The following DSG2 variants were observed in gnomAD, a reference collection of about 807,000 sequenced individuals.
DSG2 encodes the protein desmoglein-2.
In DSG2, 45 loss-of-function variants were observed where a neutral mutation model predicts 75.6. The ratio of observed to expected loss-of-function variants is 0.60; its 90% confidence interval spans 0.47 to 0.76. The LOEUF (loss-of-function observed/expected upper bound fraction) is 0.76, where lower values mean the gene tolerates loss of function less well. DSG2 is among the 30% of genes least tolerant of loss of function. The pLI, the probability that DSG2 is intolerant of heterozygous loss-of-function variation, is 0.00. For synonymous variants in DSG2, 429 were observed against 483.9 expected, an observed-to-expected ratio of 0.89 and a Z score of 1.49; for missense variants, 1,267 against 1,357.4, an observed-to-expected ratio of 0.93 and a Z score of 1.05.
chr18:31,521,723 G>A (rs8084771), intron 5 of DSG2, among the ~76,000 whole-genome samples: 23,745 of 152,150 alleles, frequency 0.16, 2,445 homozygotes, highest in African/African-American at 0.3. Flanking sequence ...TGACCATGAT[G>A]TAAGGAATAG....
intron 6 of DSG2, 87 bp from the exon 7 acceptor site, chr18:31,524,361 G>A: frequency 6.6e-7 from 1 of 1,511,898 alleles, no homozygotes; most frequent in Non-Finnish European, 9.2e-7. Flanking sequence ...AATATACTGT[G>A]GTACGTGATA....
In DSG2 at chr18:31,542,592, A is replaced by G. The variant is rs997161591; in HGVS notation, c.2074A>G (p.Lys692Glu). 9 of 1,614,020 alleles carry G rather than the reference A, an allele frequency of 5.6e-6. No individual in the cohort carries two copies. The highest frequency in any genetic ancestry group is 1.1e-5 in the South Asian group (1 of 91,078). The change falls in exon 14 of 15, where the codon AAG becomes GAG. Residue 692 changes from lysine (K) to glutamate (E), a missense_variant. By Grantham distance (56) the Lys-to-Glu change is moderately conservative (BLOSUM62 1). Transcript: ENST00000261590. Reference protein sequence around the residue: ...VGRNGVGGMAKEATMKGSSSA... With the variant: ...VGRNGVGGMAEEATMKGSSSA... Reference sequence around the variant, plus strand: ...AAGAAATGGAGTAGGAGGTATGGCCAAGGAAGCCACGATGAAAGGAAGTAG... The same window carrying G: ...AAGAAATGGAGTAGGAGGTATGGCCGAGGAAGCCACGATGAAAGGAAGTAG...
In DSG2 at chr18:31,524,694, GT is replaced by G; in HGVS notation, c.829-5del. On this transcript the variant is annotated splice_polypyrimidine_tract_variant and splice_region_variant and intron_variant, in intron 7 of 14. Transcript: ENST00000261590. ...ATTGAAATAAAAATCATGTGTTCATGTTTTGCAGCTTGAAGGGATGGTTGAA... is the reference window on the plus strand; with the variant it reads ...ATTGAAATAAAAATCATGTGTTCATGTTTGCAGCTTGAAGGGATGGTTGAA... The G allele has an allele frequency of 1.9e-6, 3 of 1,614,094 alleles. No individual in the cohort carries two copies. The highest frequency in any genetic ancestry group is 2.5e-6 in the Non-Finnish European group (3 of 1,179,982).
chr18:31,523,190 A>G (rs1331853263), intron 6 of DSG2, among the ~76,000 whole-genome samples: 1 of 152,114 alleles, frequency 6.6e-6, no homozygotes, highest in Non-Finnish European at 1.5e-5. Context: ...TCACAAGGTC[A>G]GGAGATCGAG....
At chr18:31,523,066 G>GA (rs1379196734) in intron 6 of DSG2, among the ~76,000 whole-genome samples, 1 of 152,186 alleles carries the variant, frequency 6.6e-6, no homozygotes, top group Non-Finnish European at 1.5e-5. Context: ...TTTGTCATCA[G>GA]ATATAAATCA....
chr18:31,544,474 TG>T (rs2073291197), intron 14 of DSG2, among the ~76,000 whole-genome samples: 1 of 152,136 alleles, frequency 6.6e-6, no homozygotes, highest in African/African-American at 2.4e-5. Flanking sequence ...TATTAGAAGA[TG>T]GTTCTCAAAT....
intron 9 of DSG2, 42 bp from the exon 10 acceptor site, chr18:31,535,228 C>A: frequency 7.3e-7 from 1 of 1,365,208 alleles, no homozygotes; most frequent in Non-Finnish European, 1.0e-6. Context: ...GTTTCCAATT[C>A]ATGCAGAATT....
At chr18:31,535,780 AC>A (rs1352215483) in intron 10 of DSG2, among the ~76,000 whole-genome samples, 13 of 151,778 alleles carry the variant, frequency 8.6e-5, no homozygotes, top group African/African-American at 3.1e-4. Flanking sequence ...AAAAAAAAAA[AC>A]AAAAACAAAA....
intron 1 of DSG2, among the ~76,000 whole-genome samples, chr18:31,517,318 T>C (rs1400887639): frequency 6.6e-6 from 1 of 152,112 alleles, no homozygotes; most frequent in Non-Finnish European, 1.5e-5. Flanking sequence ...TACAAATATA[T>C]GGTTTGATAG....
chr18:31,540,419 G>GT (rs1366644986), intron 12 of DSG2, among the ~76,000 whole-genome samples: 1 of 152,202 alleles, frequency 6.6e-6, no homozygotes, highest in East Asian at 1.9e-4. Context: ...AGCTGGGACT[G>GT]TATCTTTTGC....
chr18:31,499,357 CGTGTGTGT>C (rs34693299), intron 1 of DSG2, among the ~76,000 whole-genome samples: 4 of 149,636 alleles, frequency 2.7e-5, no homozygotes, highest in East Asian at 2.0e-4. Flanking sequence ...GGAAGAAAAT[CGTGTGTGT>C]GTGTGTGTGT....
chr18:31,538,354 T>C (rs1567931468), intron 11 of DSG2, among the ~76,000 whole-genome samples: 1 of 152,212 alleles, frequency 6.6e-6, no homozygotes, highest in African/African-American at 2.4e-5. Context: ...GGTTATGCTC[T>C]TCTCTTTATT....
chr18:31,526,131 G>A (rs954371562), intron 8 of DSG2, among the ~76,000 whole-genome samples: 4 of 152,176 alleles, frequency 2.6e-5, no homozygotes, highest in African/African-American at 9.7e-5. Flanking sequence ...GCAATAGAGT[G>A]AGATTCCGTC....
At chr18:31,507,218 G>A (rs967637382) in intron 1 of DSG2, among the ~76,000 whole-genome samples, 1 of 152,100 alleles carries the variant, frequency 6.6e-6, no homozygotes, top group Non-Finnish European at 1.5e-5. Flanking sequence ...GAGAATGATG[G>A]TTTCCAGCTT....
chr18:31,507,072 C>T (rs1381182141), intron 1 of DSG2, among the ~76,000 whole-genome samples: 1 of 152,148 alleles, frequency 6.6e-6, no homozygotes, highest in Non-Finnish European at 1.5e-5. Flanking sequence ...TACTATCCCT[C>T]CCCTACCCCC....
rs1299327345 is a variant in DSG2 at position 31,536,327 on chromosome 18, G to T, written c.1549G>T (p.Ala517Ser). 1 of 1,614,196 alleles carries T rather than the reference G, an allele frequency of 6.2e-7. No homozygotes were observed. Among genetic ancestry groups the T allele is most frequent in the African/African-American group, 1.3e-5 (1 of 75,046 alleles). The change falls in exon 11 of 15, where the codon GCA becomes TCA. Residue 517 changes from alanine to serine, a missense_variant. By Grantham distance (99) the Ala-to-Ser change is moderately conservative. Coordinates refer to ENST00000261590, the MANE Select transcript of DSG2 (RefSeq NM_001943.5). ...CHDAEYVNVT[A>S]EDLDGHPNSG... is the part of the protein sequence containing the mutation. ...CGATGCAGAGTATGTGAATGTTACT[G>T]CAGAGGACCTGGATGGACACCCAAA...
At chr18:31,530,018 T>C (rs570635129) in intron 8 of DSG2, among the ~76,000 whole-genome samples, 1 of 152,262 alleles carries the variant, frequency 6.6e-6, no homozygotes, top group South Asian at 2.1e-4. Flanking sequence ...GAACATAAAA[T>C]ATGTATACAG....
At chr18:31,542,492 C>T in intron 13 of DSG2, 28 bp from the exon 14 acceptor site, 2 of 1,611,492 alleles carry the variant, frequency 1.2e-6, no homozygotes, top group Non-Finnish European at 1.7e-6. Context: ...CCTCCTGACT[C>T]AGTTCTCAGC....
intron 2 of DSG2, among the ~76,000 whole-genome samples, 170 bp from the exon 3 acceptor site, chr18:31,519,632 TG>T (rs1353487218): frequency 1.3e-5 from 2 of 152,318 alleles, no homozygotes; most frequent in East Asian, 1.9e-4. Flanking sequence ...TGAGGCCCTA[TG>T]CAGTTTGCTA....
Sources: allele counts gnomAD v4.1 joint callset (sites outside exome capture counted in the v4.1 genomes callset), GRCh38; gene constraint gnomAD v4.1.1; transcripts MANE v1.5; gene names NCBI Gene and HGNC (gene_info 2026-07-23, HGNC 2026-07-21).